Variants in FCHSD2 observed in about 807,000 individuals in gnomAD.
FCHSD2 encodes the protein F-BAR and double SH3 domains protein 2.
A neutral mutation model predicts 108.1 loss-of-function variants in FCHSD2; 38 were observed. The ratio of observed to expected loss-of-function variants is 0.35; its 90% CI spans 0.27 to 0.46. FCHSD2 has a LOEUF of 0.46. FCHSD2 is among the 20% of genes least tolerant of loss of function. FCHSD2 has a pLI of 1.00. For synonymous variants in FCHSD2, 279 were observed against 314.7 expected (o/e 0.89, Z 1.20); for missense variants, 751 against 897.8 (o/e 0.84, Z 2.09).
At chr11:72,889,753 T>A in intron 11 of FCHSD2, 76 bp downstream of exon 11, 1 of 801,644 alleles carries the variant, frequency 1.2e-6, no homozygotes, top group South Asian at 1.6e-5. Context: ...TTTTTCACAT[T>A]AATAAAACTC....
intron 2 of FCHSD2, among the ~76,000 whole-genome samples, chr11:73,106,744 T>C (rs972434407): frequency 6.6e-6 from 1 of 152,138 alleles, no homozygotes; most frequent in African/African-American, 2.4e-5. Context: ...TACCATTGTA[T>C]CACAATTGCT....
Position 72,972,190 on chromosome 11 carries a change from CATTAA to C in FCHSD2, c.705+11893_705+11897del, listed in dbSNP as rs533025944. ...CTATTGTTGATTCTCCAGCCCAAGA[CATTAA>C]ATTAAACTCTGAAATGAGAATATTC... is the stretch of plus-strand genomic sequence containing the variant. On this transcript the variant is annotated intron_variant, in intron 8 of 19. Coordinates refer to ENST00000409418, the MANE Select transcript of FCHSD2 (RefSeq NM_014824.3). 5.3e-5 allele frequency among the ~76,000 whole-genome samples: 8 copies of C among 152,268 alleles called. No individual in the cohort carries two copies. The South Asian group carries it at 8.3e-4, about 16-fold the overall frequency.
chr11:73,055,159 GAAC>G (rs990179705), intron 3 of FCHSD2, among the ~76,000 whole-genome samples: 9 of 151,982 alleles, frequency 5.9e-5, no homozygotes, highest in African/African-American at 1.9e-4. Context: ...ACTATCATGA[GAAC>G]AACAGGGGGA....
At chr11:72,962,016 A>C (rs539470227) in intron 8 of FCHSD2, among the ~76,000 whole-genome samples, 17 of 152,228 alleles carry the variant, frequency 1.1e-4, no homozygotes, top group Non-Finnish European at 1.8e-4. Context: ...TTGTTATTGA[A>C]ACCTAAGAAT....
chr11:73,020,416 A>G (rs1350159327), intron 3 of FCHSD2, among the ~76,000 whole-genome samples: 2 of 152,188 alleles, frequency 1.3e-5, no homozygotes, highest in African/African-American at 4.8e-5. Context: ...GGCTCTTTAA[A>G]ATTTTTGGAA....
chr11:72,865,097 G>T lies in FCHSD2; in HGVS notation c.1308+2768C>A. Among the ~76,000 whole-genome samples, 2 of 152,120 alleles carry T rather than the reference G, an allele frequency of 1.3e-5. 1 individual carries two copies. Among genetic ancestry groups the T allele is most frequent in the South Asian group, 4.1e-4 (2 of 4,822 alleles). On this transcript the variant is annotated intron_variant, in intron 13 of 19. Transcript: ENST00000409418. ...TTTTAAAACATTTATCTTCCACAAG[G>T]CACTTTTCAGTTGCACTATTAATGT...
intron 10 of FCHSD2, among the ~76,000 whole-genome samples, chr11:72,890,403 A>C (rs1855289771): frequency 6.6e-6 from 1 of 152,100 alleles, no homozygotes; most frequent in Non-Finnish European, 1.5e-5. Context: ...ACAGCAACAC[A>C]ATCTTGCACC....
At chr11:73,010,814 T>G (rs776235122) in intron 4 of FCHSD2, among the ~76,000 whole-genome samples, 8 of 152,220 alleles carry the variant, frequency 5.3e-5, no homozygotes, top group Non-Finnish European at 1.0e-4. Flanking sequence ...GTGGGCCAAT[T>G]CTTGGCCTTC....
In FCHSD2 at chr11:72,838,553, G is replaced by T; in HGVS notation, c.*238C>A. ...GGGCTGCCCCCCTCTTTGCTCCTAGGGTCCGCTAGGATTTGTGCTATGGTA... is the reference window on the plus strand; with the variant it reads ...GGGCTGCCCCCCTCTTTGCTCCTAGTGTCCGCTAGGATTTGTGCTATGGTA... On this transcript the variant is annotated 3_prime_UTR_variant, in exon 20 of 20. Transcript: ENST00000409418. 1 of 550,700 alleles carries T rather than the reference G, an allele frequency of 1.8e-6. No homozygotes were observed. The highest frequency in any genetic ancestry group is 3.1e-5 in the Admixed American group (1 of 32,400). 34.1% of individuals were successfully genotyped at this position (550,700 alleles called of 1,614,324 possible). A position where few individuals can be genotyped will look rare whatever the true frequency, so the allele number is the denominator to read the frequency against.
At chr11:72,920,339 T>C (rs1017208789) in intron 9 of FCHSD2, among the ~76,000 whole-genome samples, 4 of 152,198 alleles carry the variant, frequency 2.6e-5, no homozygotes, top group Non-Finnish European at 5.9e-5. Flanking sequence ...GACAACTGCC[T>C]AGGAAAATTG....
intron 5 of FCHSD2, among the ~76,000 whole-genome samples, chr11:72,999,188 T>C (rs1857576148): frequency 6.6e-6 from 1 of 152,122 alleles, no homozygotes. Context: ...TATCTCAGAG[T>C]CCTGACAGGT....
chr11:72,853,851 T>C (rs1861357140), intron 13 of FCHSD2, among the ~76,000 whole-genome samples: 1 of 152,118 alleles, frequency 6.6e-6, no homozygotes, highest in Non-Finnish European at 1.5e-5. Context: ...CCAGAATATA[T>C]AAAGAATCCC....
chr11:73,024,788 T>G (rs2135443625), intron 3 of FCHSD2, among the ~76,000 whole-genome samples: 1 of 151,662 alleles, frequency 6.6e-6, no homozygotes, highest in East Asian at 1.9e-4. Flanking sequence ...TTAAACAAGT[T>G]TACAGGGAAA....
chr11:72,892,536 C>A (rs141275823), intron 10 of FCHSD2, among the ~76,000 whole-genome samples: 29 of 152,268 alleles, frequency 1.9e-4, no homozygotes, highest in South Asian at 4.1e-4. Flanking sequence ...TCCAATACCA[C>A]CTTCACTATC....
intron 8 of FCHSD2, among the ~76,000 whole-genome samples, chr11:72,969,004 G>T (rs1455711970): frequency 3.3e-5 from 5 of 152,162 alleles, no homozygotes; most frequent in Non-Finnish European, 7.4e-5. Flanking sequence ...TGGTTTTAAT[G>T]ATATACACAC....
intron 2 of FCHSD2, among the ~76,000 whole-genome samples, chr11:73,128,283 A>C (rs774512823): frequency 6.6e-6 from 1 of 152,122 alleles, no homozygotes; most frequent in African/African-American, 2.4e-5. Flanking sequence ...ACTCCAATGC[A>C]TTTTTTAATA....
intron 8 of FCHSD2, among the ~76,000 whole-genome samples, chr11:72,959,550 TCAGAAAGG>T (rs1856784295): frequency 6.6e-6 from 1 of 152,068 alleles, no homozygotes; most frequent in Non-Finnish European, 1.5e-5. Context: ...GTCTTTTTAG[TCAGAAAGG>T]CTCAGTCTAC....
chr11:73,080,494 T>C (rs1305506995), intron 3 of FCHSD2, among the ~76,000 whole-genome samples: 1 of 152,084 alleles, frequency 6.6e-6, no homozygotes, highest in Non-Finnish European at 1.5e-5. Flanking sequence ...ATATATCATT[T>C]AGAGTTACAA....
At chr11:72,876,913 T>G (rs1386529248) in intron 12 of FCHSD2, among the ~76,000 whole-genome samples, 2 of 152,206 alleles carry the variant, frequency 1.3e-5, no homozygotes, top group African/African-American at 2.4e-5. Context: ...TCATTATGCA[T>G]TATCCTTTTT....
Sources: allele counts gnomAD v4.1 joint callset (sites outside exome capture counted in the v4.1 genomes callset), GRCh38; gene constraint gnomAD v4.1.1; transcripts MANE v1.5; gene names NCBI Gene and HGNC (gene_info 2026-07-23, HGNC 2026-07-21).